The following USH2A variants were observed in gnomAD, a reference collection of about 807,000 sequenced individuals.
USH2A encodes the protein Usher syndrome 2A (autosomal recessive, mild).
Under a neutral mutation model 538.9 loss-of-function variants are expected in USH2A, and 443 were observed. The observed-to-expected ratio is 0.82, with a 90% CI of 0.76 to 0.89. The LOEUF is 0.89. USH2A is among the 40% of genes least tolerant of loss of function. The pLI is 0.00. For missense variants in USH2A, 6,633 were observed against 6,324.8 expected, an observed-to-expected ratio of 1.05 and a Z score of -1.65; for synonymous variants, 2,413 against 2,273.5, an observed-to-expected ratio of 1.06 and a Z score of -1.75.
chr1:215,954,785 C>T (rs1667022869), intron 37 of USH2A, among the ~76,000 whole-genome samples: 1 of 152,082 alleles, frequency 6.6e-6, no homozygotes, highest in South Asian at 2.1e-4. Context: ...TTACTTTATG[C>T]CAAAGTCCTT....
At chr1:215,739,646 A>G (rs754773886) in intron 60 of USH2A, among the ~76,000 whole-genome samples, 7 of 152,230 alleles carry the variant, frequency 4.6e-5, no homozygotes, top group Non-Finnish European at 8.8e-5. Flanking sequence ...TTACGTGTTC[A>G]TGTGTTTTTG....
chr1:215,702,346 C>T (rs1659054272), intron 61 of USH2A, among the ~76,000 whole-genome samples: 1 of 152,062 alleles, frequency 6.6e-6, no homozygotes, highest in South Asian at 2.1e-4. Context: ...TCTGTATTTC[C>T]TGACTTTGAA....
intron 60 of USH2A, among the ~76,000 whole-genome samples, chr1:215,739,361 C>T (rs905448797): frequency 5.3e-5 from 8 of 152,150 alleles, no homozygotes; most frequent in Non-Finnish European, 7.4e-5. Context: ...TTCATTGAAG[C>T]GGGCTTTCTG....
intron 48 of USH2A, among the ~76,000 whole-genome samples, chr1:215,815,959 T>A (rs933371186): frequency 2.0e-5 from 3 of 152,070 alleles, no homozygotes; most frequent in African/African-American, 7.2e-5. Context: ...CATTTATTCG[T>A]ATGCCTATAC....
At chr1:216,080,298 T>C (rs1311393923) in intron 26 of USH2A, among the ~76,000 whole-genome samples, 1 of 152,066 alleles carries the variant, frequency 6.6e-6, no homozygotes, top group Non-Finnish European at 1.5e-5. Context: ...GACAATGATC[T>C]CCTTAAAGAA....
Position 215,728,245 on chromosome 1 carries a change from C to G in USH2A, c.11851G>C (p.Val3951Leu), listed in dbSNP as rs991523046. 6.2e-7 allele frequency: 1 copy of G among 1,614,164 alleles called. No homozygotes were observed. The highest frequency in any genetic ancestry group is 1.7e-5 in the Admixed American group (1 of 60,010). ...RVRACNSKGS[V>L]ESLWSLTQTL... ...TGTGTTAATGACCACAGACTCTCCA[C>G]TGAACCCTTGGAGTTACAGGCTCTG... Residue 3951 changes from valine to leucine, a missense_variant, in exon 61 of 72, where the codon GTG (valine) becomes CTG (leucine). By Grantham distance (32) the Val-to-Leu change is conservative (BLOSUM62 1). Coordinates refer to ENST00000307340, the MANE Select transcript of USH2A (RefSeq NM_206933.4).
intron 11 of USH2A, among the ~76,000 whole-genome samples, chr1:216,252,142 A>G (rs1464081315): frequency 6.6e-6 from 1 of 152,260 alleles, no homozygotes; most frequent in Non-Finnish European, 1.5e-5. Flanking sequence ...TACATAAAAT[A>G]CAGTGTTCAT....
chr1:215,846,415 T>C (rs964029936), intron 44 of USH2A, among the ~76,000 whole-genome samples: 5 of 152,104 alleles, frequency 3.3e-5, no homozygotes. Context: ...GGTCTTGCTA[T>C]GTTTCCCAGG....
intron 16 of USH2A, among the ~76,000 whole-genome samples, chr1:216,205,568 G>A (rs2035094982): frequency 6.6e-6 from 1 of 152,130 alleles, no homozygotes; most frequent in African/African-American, 2.4e-5. Context: ...ATGCGATGCA[G>A]GAGTTTTAAA....
In USH2A at chr1:215,914,105, G is replaced by GAGA. The variant is rs773629456; in HGVS notation, c.7301-13201_7301-13200insTCT. Among the ~76,000 whole-genome samples the GAGA allele has an allele frequency of 5.1e-3, 609 of 119,032 alleles. 2 individuals carry two copies. Among genetic ancestry groups the GAGA allele is most frequent in the Middle Eastern group, 0.032 (5 of 156 alleles). 78.1% of individuals were successfully genotyped at this position (119,032 alleles called of 152,430 possible). A position where few individuals can be genotyped will look rare whatever the true frequency, so the allele number is the denominator to read the frequency against. On this transcript the variant is annotated intron_variant, in intron 38 of 71. Transcript: ENST00000307340. ...TTTTTTTTTTTTGAGACAGAGTCTCGCTCTGTCACCCAGGCTGGAGTGCAG... is the reference window on the plus strand; with the variant it reads ...TTTTTTTTTTTTGAGACAGAGTCTCGAGACTCTGTCACCCAGGCTGGAGTGCAG...
intron 61 of USH2A, among the ~76,000 whole-genome samples, chr1:215,693,697 C>T (rs1187757150): frequency 6.6e-6 from 1 of 152,152 alleles, no homozygotes; most frequent in African/African-American, 2.4e-5. Flanking sequence ...ATACGACTAG[C>T]CAGCAGAGTG....
At chr1:215,786,157 A>G (rs1033861955) in intron 52 of USH2A, among the ~76,000 whole-genome samples, 4 of 152,216 alleles carry the variant, frequency 2.6e-5, no homozygotes, top group African/African-American at 9.6e-5. Context: ...GATGGTACAT[A>G]GAAATTAATA....
intron 61 of USH2A, among the ~76,000 whole-genome samples, chr1:215,704,678 C>A (rs1247734416): frequency 6.6e-6 from 1 of 152,174 alleles, no homozygotes; most frequent in African/African-American, 2.4e-5. Flanking sequence ...GACCCAGTTA[C>A]AACACACTCT....
chr1:216,390,595 T>C (rs2039089665), intron 3 of USH2A, among the ~76,000 whole-genome samples: 1 of 152,188 alleles, frequency 6.6e-6, no homozygotes, highest in East Asian at 1.9e-4. Flanking sequence ...TATAATCATC[T>C]TAAAAGGCTA....
At chr1:215,963,989 G>A (rs1438004007) in intron 37 of USH2A, among the ~76,000 whole-genome samples, 1 of 152,100 alleles carries the variant, frequency 6.6e-6, no homozygotes, top group African/African-American at 2.4e-5. Context: ...TTCGGTAAAT[G>A]GGTTCTGACT....
intron 36 of USH2A, among the ~76,000 whole-genome samples, chr1:215,965,964 C>T (rs1667334901): frequency 6.6e-6 from 1 of 150,670 alleles, no homozygotes; most frequent in Non-Finnish European, 1.5e-5. Flanking sequence ...CACACACACG[C>T]ATGCATACAT....
At chr1:216,203,199 C>CTATA (rs59663585) in intron 16 of USH2A, among the ~76,000 whole-genome samples, 89 of 151,150 alleles carry the variant, frequency 5.9e-4, no homozygotes, top group African/African-American at 1.8e-3. Flanking sequence ...TAGTATTAAA[C>CTATA]TATATATATA....
intron 37 of USH2A, among the ~76,000 whole-genome samples, chr1:215,938,892 T>C (rs1026713931): frequency 6.6e-6 from 1 of 152,136 alleles, no homozygotes; most frequent in Admixed American, 6.5e-5. Flanking sequence ...AACATTCATA[T>C]ATCTGAATTC....
intron 71 of USH2A, 76 bp from the exon 72 acceptor site, chr1:215,625,946 A>G (rs569367570): frequency 3.1e-5 from 44 of 1,417,308 alleles, no homozygotes; most frequent in Non-Finnish European, 3.8e-5. Context: ...AGTTATATCA[A>G]TTAAGTGTAA....
Sources: allele counts gnomAD v4.1 joint callset (sites outside exome capture counted in the v4.1 genomes callset), GRCh38; gene constraint gnomAD v4.1.1; transcripts MANE v1.5; gene names NCBI Gene and HGNC (gene_info 2026-07-23, HGNC 2026-07-21).